CD164: variants seen among roughly 807,000 people sequenced by gnomAD.
The protein encoded by CD164 is CD164 molecule.
CD164 carries 11 observed loss-of-function variants against 24.6 expected under a neutral mutation model. The observed-to-expected ratio is 0.45, with a 90% confidence interval of 0.28 to 0.74. The LOEUF (loss-of-function observed/expected upper bound fraction) is 0.74, where lower values mean the gene tolerates loss of function less well. CD164 is among the 30% of genes least tolerant of loss of function. The pLI, the probability that CD164 is intolerant of heterozygous loss-of-function variation, is 0.13. For missense variants in CD164, 295 were observed against 243.7 expected (o/e 1.21, Z -1.40); for synonymous variants, 126 against 100.3 (o/e 1.26, Z -1.53).
At chr6:109,375,407 A>G (rs941092737) in intron 4 of CD164, among the ~76,000 whole-genome samples, 4 of 152,116 alleles carry the variant, frequency 2.6e-5, no homozygotes, top group Non-Finnish European at 5.9e-5. Flanking sequence ...ACTTTAAGTC[A>G]GGATTTCAAG....
rs1421099655 is a variant in CD164 at position 109,368,998 on chromosome 6, C to T, written c.447G>A (p.Val149=). 6.2e-7 allele frequency: 1 copy of T among 1,612,886 alleles called. No individual in the cohort carries two copies. Among genetic ancestry groups the T allele is most frequent in the Non-Finnish European group, 8.5e-7 (1 of 1,179,546 alleles). ...VTTSGTTNNT[V]TPTSQPVRKS... is the part of the protein sequence containing the mutation. ...TTCGCACAGGTTGTGAGGTTGGAGT[C>T]ACAGTGTTATTTGTTGTACCTGTTA... Residue 149 remains valine (V), a synonymous_variant, in exon 6 of 6, where the codon GTG becomes GTA. Coordinates refer to ENST00000310786, the MANE Select transcript of CD164 (RefSeq NM_006016.6).
intron 4 of CD164, chr6:109,371,027 G>T (rs562868317): frequency 2.0e-5 from 3 of 152,678 alleles, no homozygotes; most frequent in Admixed American, 6.5e-5. Flanking sequence ...ATAAGAACAG[G>T]GGCCCTGGGC....
Position 109,368,573 on chromosome 6 carries a change from G to A in CD164, c.*278C>T, listed in dbSNP as rs1046284149. The A allele has an allele frequency of 9.8e-6, 13 of 1,331,292 alleles. No homozygotes were observed. Among genetic ancestry groups the A allele is most frequent in the South Asian group, 2.2e-5 (1 of 45,882 alleles). The allele number at this position is 1,331,292 out of a possible 1,614,324, so 82.5% of individuals were successfully genotyped here. A position where few individuals can be genotyped will look rare whatever the true frequency, so the allele number is the denominator to read the frequency against. On this transcript the variant is annotated 3_prime_UTR_variant, in exon 6 of 6. Transcript: ENST00000310786. ...CCATCACTTTCAGAAAGTTATATTT[G>A]GCATGTTAAGGAAAAAAAATATAAT...
chr6:109,382,400 C>G lies in CD164; in HGVS notation c.-22G>C. Reference sequence around the variant, plus strand: ...ACATCGTGTCCTCAGCGCTGGCGTTCGGGAGAAAGCTAAGGCTCGCAACGC... The same window carrying G: ...ACATCGTGTCCTCAGCGCTGGCGTTGGGGAGAAAGCTAAGGCTCGCAACGC... On this transcript the variant is annotated 5_prime_UTR_variant, in exon 1 of 6. Transcript: ENST00000310786. 3 of 1,499,674 alleles carry G rather than the reference C, an allele frequency of 2.0e-6. No individual in the cohort carries two copies. The highest frequency in any genetic ancestry group is 2.7e-6 in the Non-Finnish European group (3 of 1,124,508). The allele number at this position is 1,499,674 out of a possible 1,614,324, so 92.9% of individuals were successfully genotyped here.
Position 109,368,754 on chromosome 6 carries a change from A to G in CD164, c.*97T>C. The G allele has an allele frequency of 6.8e-7, 1 of 1,473,430 alleles. No homozygotes were observed. Among genetic ancestry groups the G allele is most frequent in the Non-Finnish European group, 9.0e-7 (1 of 1,116,118 alleles). 91.3% of individuals were successfully genotyped at this position (1,473,430 alleles called of 1,614,324 possible). A position where few individuals can be genotyped will look rare whatever the true frequency, so the allele number is the denominator to read the frequency against. On this transcript the variant is annotated 3_prime_UTR_variant, in exon 6 of 6. Transcript: ENST00000310786. ...TCCATGGAAATTTAAAGATCCTGGAATAGCGTCTTCCATGTGGGACATCTT... is the reference window on the plus strand; with the variant it reads ...TCCATGGAAATTTAAAGATCCTGGAGTAGCGTCTTCCATGTGGGACATCTT...
chr6:109,373,999 A>G (rs1771256452), intron 4 of CD164, among the ~76,000 whole-genome samples: 2 of 152,210 alleles, frequency 1.3e-5, no homozygotes, highest in Admixed American at 1.3e-4. Context: ...TTGTTACAGC[A>G]TTTGACTACT....
At chr6:109,369,334 T>G (rs554144131) in intron 5 of CD164, among the ~76,000 whole-genome samples, 4 of 152,254 alleles carry the variant, frequency 2.6e-5, no homozygotes, top group African/African-American at 9.6e-5. Context: ...CTTCAGACTA[T>G]GTACTTTTAG....
chr6:109,381,560 T>C (rs920308237), intron 1 of CD164: 7 of 702,516 alleles, frequency 1.0e-5, no homozygotes, highest in Admixed American at 4.0e-5. Flanking sequence ...CATGGGTACT[T>C]TTCTTCCTTT....
Position 109,368,314 on chromosome 6 carries a change from G to T in CD164, c.*537C>A, listed in dbSNP as rs1312146074. 3 of 1,541,706 alleles carry T rather than the reference G, an allele frequency of 1.9e-6. No homozygotes were observed. The East Asian group carries it at 7.4e-5, about 38-fold the overall frequency. On this transcript the variant is annotated 3_prime_UTR_variant, in exon 6 of 6. Transcript: ENST00000310786. ...AAATCTGGAATGTAGTTCCTTGTGT[G>T]GCATCTTATTTCTAATGTAGAAAAA... is the stretch of plus-strand genomic sequence containing the variant.
rs776609057 is a variant in CD164, at chr6:109,382,189, A to T, written c.175+15T>A. The T allele has an allele frequency of 2.0e-6, 3 of 1,527,992 alleles. No homozygotes were observed. The East Asian group carries it at 7.6e-5, about 39-fold the overall frequency. 94.7% of individuals were successfully genotyped at this position (1,527,992 alleles called of 1,614,324 possible). On this transcript the variant is annotated intron_variant, in intron 1 of 5. Transcript: ENST00000310786. ...GGGCAGGGGAGGGCGGGAAGCCCAC[A>T]GGGCCCGCGCCCACCTGGTGCCGGA...
At chr6:109,376,293 T>C (rs763745438) in intron 3 of CD164, among the ~76,000 whole-genome samples, 181 bp from the exon 4 acceptor site, 12 of 152,142 alleles carry the variant, frequency 7.9e-5, no homozygotes, top group East Asian at 1.9e-4. Context: ...TCTTTAGAAA[T>C]AGAATCACCA....
intron 3 of CD164, 76 bp downstream of exon 3, chr6:109,377,823 GA>G: frequency 2.9e-6 from 3 of 1,047,782 alleles, no homozygotes; most frequent in Non-Finnish European, 3.0e-6. Context: ...ACAAAGCACT[GA>G]AACAAGGCTT....
chr6:109,375,877 G>A (rs180799979), intron 4 of CD164, 197 bp downstream of exon 4: 50 of 515,826 alleles, frequency 9.7e-5, no homozygotes, highest in Middle Eastern at 5.0e-4. Context: ...CACATTCACC[G>A]ACTATAAAAC....
At chr6:109,380,521 G>A (rs1024095360) in intron 1 of CD164, 2 of 152,172 alleles carry the variant, frequency 1.3e-5, no homozygotes, top group African/African-American at 4.8e-5. Flanking sequence ...TTCATCATTA[G>A]TACTTATTAA....
intron 5 of CD164, among the ~76,000 whole-genome samples, chr6:109,370,013 G>T (rs1372000298): frequency 1.3e-5 from 2 of 152,144 alleles, no homozygotes; most frequent in African/African-American, 4.8e-5. Flanking sequence ...AGTGATTCTG[G>T]CTTTTTAGAC....
chr6:109,379,708 G>C (rs1357544249), intron 1 of CD164, 46 bp from the exon 2 acceptor site: 1 of 1,391,004 alleles, frequency 7.2e-7, no homozygotes, highest in African/African-American at 1.4e-5. Context: ...GATTTTATTA[G>C]TATCTTATTT....
At position 109,370,555 on chromosome 6, in the gene CD164, CTTCAACATGCTTTCAA is replaced by C. The variant is rs1562236256; in HGVS notation, c.371-104_371-89del. On this transcript the variant is annotated intron_variant, in intron 4 of 5. Coordinates refer to ENST00000310786, the MANE Select transcript of CD164 (RefSeq NM_006016.6). ...CAGCTTTAAAAAATAATCCTGCCAA[CTTCAACATGCTTTCAA>C]TTTTTTAGAGACCAAAAGCCAAATT... The C allele has an allele frequency of 1.2e-4, 139 of 1,157,734 alleles. No homozygotes were observed. In the South Asian group the frequency reaches 1.9e-3, roughly 16 times the overall value. 71.7% of individuals were successfully genotyped at this position (1,157,734 alleles called of 1,614,324 possible).
In CD164 at chr6:109,382,257, T is replaced by A; in HGVS notation, c.122A>T (p.Asn41Ile). Residue 41 changes from asparagine to isoleucine, a missense_variant, in exon 1 of 6, where the codon AAC becomes ATC. By Grantham distance (149) the Asn-to-Ile change is moderately radical (BLOSUM62 -3). Transcript: ENST00000310786. ...GGACGTCACCGGCGCCGAGGTTACG[T>A]TGGAGATGGGCGCTAAAGTCGTCAC... ...PNVTTLAPIS[N>I]VTSAPVTSLP... is the part of the protein sequence containing the mutation. The A allele has an allele frequency of 6.3e-7, 1 of 1,587,896 alleles. No individual in the cohort carries two copies. The highest frequency in any genetic ancestry group is 8.5e-7 in the Non-Finnish European group (1 of 1,169,968).
In CD164 at chr6:109,381,461, T is replaced by G. The variant is rs1207374751; in HGVS notation, c.175+743A>C. The G allele has an allele frequency of 8.6e-6, 6 of 700,466 alleles. No individual in the cohort carries two copies. In the East Asian group the frequency reaches 1.6e-4, roughly 19 times the overall value. The allele number at this position is 700,466 out of a possible 1,614,324, so 43.4% of individuals were successfully genotyped here. A position where few individuals can be genotyped will look rare whatever the true frequency, so the allele number is the denominator to read the frequency against. The stretch of plus-strand genomic sequence containing the variant: ...AACATACAATGTCAGGAGAGTTTAC[T>G]CATCTCCGTCTCTGCATCTACCTCC... On this transcript the variant is annotated intron_variant, in intron 1 of 5. Coordinates refer to ENST00000310786, the MANE Select transcript of CD164 (RefSeq NM_006016.6).
Sources: allele counts gnomAD v4.1 joint callset (sites outside exome capture counted in the v4.1 genomes callset), GRCh38; gene constraint gnomAD v4.1.1; transcripts MANE v1.5; gene names NCBI Gene and HGNC (gene_info 2026-07-23, HGNC 2026-07-21).